The following SEC11A variants were observed in gnomAD, a reference collection of about 807,000 sequenced individuals.
The protein encoded by SEC11A is signal peptidase complex catalytic subunit SEC11A.
SEC11A carries 14 observed loss-of-function variants against 25.6 expected under a neutral mutation model. That is an observed-to-expected ratio of 0.55 (90% CI 0.36 to 0.85). SEC11A has a LOEUF of 0.85. SEC11A is among the 40% of genes least tolerant of loss of function. SEC11A has a pLI of 0.01. For synonymous variants in SEC11A, 83 were observed against 76.4 expected (o/e 1.09, Z -0.45); for missense variants, 153 against 222.9 (o/e 0.69, Z 2.00).
chr15:84,678,133 G>A (rs1211800406), intron 4 of SEC11A, among the ~76,000 whole-genome samples: 1 of 151,992 alleles, frequency 6.6e-6, no homozygotes, highest in African/African-American at 2.4e-5. Context: ...AGAGGCAGAG[G>A]TTGCAATAAG....
chr15:84,685,219 T>C (rs974627816), intron 3 of SEC11A, among the ~76,000 whole-genome samples: 1 of 152,168 alleles, frequency 6.6e-6, no homozygotes, highest in Non-Finnish European at 1.5e-5. Flanking sequence ...CAGAAGCAGT[T>C]TTAAACTTAA....
chr15:84,694,043 T>G (rs1897687039), intron 1 of SEC11A, among the ~76,000 whole-genome samples: 1 of 151,996 alleles, frequency 6.6e-6, no homozygotes, highest in Non-Finnish European at 1.5e-5. Context: ...TTCTGAAAAA[T>G]TCCAAAAAAT....
intron 2 of SEC11A, among the ~76,000 whole-genome samples, chr15:84,691,142 C>T (rs1897594208): frequency 6.8e-6 from 1 of 148,148 alleles, no homozygotes; most frequent in Admixed American, 6.8e-5. Flanking sequence ...GGTGCAATCA[C>T]AACTCACTGC....
chr15:84,693,201 TG>T (rs1491252721), intron 1 of SEC11A, among the ~76,000 whole-genome samples: 2 of 151,780 alleles, frequency 1.3e-5, no homozygotes, highest in Non-Finnish European at 2.9e-5. Flanking sequence ...TTCAATGTCA[TG>T]GAAAAAAAGG....
At chr15:84,679,466 CT>C (rs1220942186) in intron 4 of SEC11A, among the ~76,000 whole-genome samples, 1 of 152,202 alleles carries the variant, frequency 6.6e-6, no homozygotes, top group Non-Finnish European at 1.5e-5. Context: ...ACTGAGGAAG[CT>C]TTCACTTAGC....
intron 1 of SEC11A, among the ~76,000 whole-genome samples, chr15:84,709,562 C>A (rs1379744087): frequency 6.6e-6 from 1 of 152,014 alleles, no homozygotes; most frequent in Non-Finnish European, 1.5e-5. Flanking sequence ...TCTGCCTCAG[C>A]CTCCCAAGTA....
intron 4 of SEC11A, among the ~76,000 whole-genome samples, chr15:84,676,740 A>G (rs972291493): frequency 6.6e-6 from 1 of 151,254 alleles, no homozygotes; most frequent in African/African-American, 2.4e-5. Flanking sequence ...GAGCTAAGAT[A>G]GCACCATTGC....
At chr15:84,710,817 A>G (rs1898238196) in intron 1 of SEC11A, among the ~76,000 whole-genome samples, 1 of 152,216 alleles carries the variant, frequency 6.6e-6, no homozygotes, top group Admixed American at 6.6e-5. Flanking sequence ...TGCATTGAAA[A>G]ACACACATAT....
At chr15:84,696,646 C>T (rs1433469378) in intron 1 of SEC11A, among the ~76,000 whole-genome samples, 3 of 152,066 alleles carry the variant, frequency 2.0e-5, no homozygotes, top group African/African-American at 7.2e-5. Flanking sequence ...CTTGCATGTA[C>T]CCTATGTTAC....
chr15:84,671,045 G>C (rs918295653), intron 4 of SEC11A: 41 of 286,344 alleles, frequency 1.4e-4, no homozygotes, highest in Non-Finnish European at 1.8e-4. Flanking sequence ...ATAGAGCCAA[G>C]GTCTTAGATC....
intron 1 of SEC11A, among the ~76,000 whole-genome samples, chr15:84,715,131 A>G (rs747089546): frequency 1.4e-4 from 21 of 152,192 alleles, no homozygotes; most frequent in Non-Finnish European, 2.9e-4. Flanking sequence ...AGTGGCAGTT[A>G]TAAGTACAAA....
At chr15:84,684,559 C>T (rs756386635) in intron 3 of SEC11A, among the ~76,000 whole-genome samples, 1 of 152,064 alleles carries the variant, frequency 6.6e-6, no homozygotes, top group Non-Finnish European at 1.5e-5. Flanking sequence ...ACTAATATAC[C>T]TCCTATAGGA....
At chr15:84,695,185 G>A (rs1044594248) in intron 1 of SEC11A, among the ~76,000 whole-genome samples, 1 of 150,960 alleles carries the variant, frequency 6.6e-6, no homozygotes, top group African/African-American at 2.4e-5. Flanking sequence ...TCCAGAGGCT[G>A]GGCTCGGTGG....
intron 3 of SEC11A, among the ~76,000 whole-genome samples, chr15:84,684,749 T>C (rs959382812): frequency 6.6e-6 from 1 of 151,948 alleles, no homozygotes; most frequent in Non-Finnish European, 1.5e-5. Context: ...CTGGCCAACA[T>C]GGTGAAACCC....
chr15:84,682,103 A>G (rs1897296833), intron 3 of SEC11A, among the ~76,000 whole-genome samples: 1 of 152,080 alleles, frequency 6.6e-6, no homozygotes, highest in Non-Finnish European at 1.5e-5. Context: ...GTGGGAGTAG[A>G]GATGGAGCAG....
intron 1 of SEC11A, among the ~76,000 whole-genome samples, chr15:84,702,747 T>G (rs1897986452): frequency 6.6e-6 from 1 of 152,172 alleles, no homozygotes; most frequent in Non-Finnish European, 1.5e-5. Flanking sequence ...AATTTGAATT[T>G]ATGGATTTAA....
At chr15:84,687,505 G>A (rs1760815800) in intron 3 of SEC11A, 120 bp downstream of exon 3, 1 of 664,154 alleles carries the variant, frequency 1.5e-6, no homozygotes, top group Non-Finnish European at 2.4e-6. Flanking sequence ...TCATAAAAAT[G>A]GACTGGAAGA....
chr15:84,676,410 G>C (rs897494057), intron 4 of SEC11A, among the ~76,000 whole-genome samples: 3 of 150,172 alleles, frequency 2.0e-5, no homozygotes, highest in Non-Finnish European at 3.0e-5. Context: ...GGGTTGCCGT[G>C]ATCATGCTGT....
intron 3 of SEC11A, 96 bp from the exon 4 acceptor site, chr15:84,680,928 G>T: frequency 1.9e-6 from 2 of 1,059,360 alleles, no homozygotes; most frequent in Non-Finnish European, 2.7e-6. Flanking sequence ...TGTGGCACTG[G>T]GGTATCTTTT....
Sources: allele counts gnomAD v4.1 joint callset (sites outside exome capture counted in the v4.1 genomes callset), GRCh38; gene constraint gnomAD v4.1.1; transcripts MANE v1.5; gene names NCBI Gene and HGNC (gene_info 2026-07-23, HGNC 2026-07-21).